Variants in DCDC2 observed in about 807,000 individuals in gnomAD.
DCDC2 encodes the protein doublecortin domain containing 2.
Under a neutral mutation model 50.2 loss-of-function variants are expected in DCDC2, and 40 were observed. That is an observed-to-expected ratio of 0.80 (90% confidence interval 0.62 to 1.04). DCDC2 has a LOEUF of 1.04. Among genes scored for constraint, DCDC2 ranks in the 50% least tolerant of loss-of-function variants. The pLI, the probability that DCDC2 is intolerant of heterozygous loss-of-function variation, is 0.00. For synonymous variants in DCDC2, 234 were observed against 210.6 expected, an observed-to-expected ratio of 1.11 and a Z score of -0.96; for missense variants, 570 against 581.9, an observed-to-expected ratio of 0.98 and a Z score of 0.21.
chr6:24,180,790 T>G (rs368180281), intron 8 of DCDC2, among the ~76,000 whole-genome samples: 2 of 152,116 alleles, frequency 1.3e-5, no homozygotes, highest in Non-Finnish European at 2.9e-5. Context: ...TGACCAAACT[T>G]TTTGTCATTA....
intron 7 of DCDC2, among the ~76,000 whole-genome samples, chr6:24,224,800 T>G (rs1041015247): frequency 2.6e-5 from 4 of 152,160 alleles, no homozygotes; most frequent in African/African-American, 9.7e-5. Context: ...CTATCATAGG[T>G]AGCACTTACC....
the DCDC2 span, among the ~76,000 whole-genome samples, chr6:24,373,205 G>A: frequency 6.6e-6 from 1 of 152,180 alleles, no homozygotes; most frequent in Non-Finnish European, 1.5e-5. Flanking sequence ...TTGAATATGT[G>A]TGCACCCTCA....
intron 8 of DCDC2, among the ~76,000 whole-genome samples, chr6:24,180,556 G>A (rs746972538): frequency 2.6e-5 from 4 of 152,068 alleles, no homozygotes; most frequent in Non-Finnish European, 5.9e-5. Context: ...CCAAAGTGCT[G>A]GGATTACAGG....
intron 7 of DCDC2, among the ~76,000 whole-genome samples, chr6:24,264,438 A>AAGG (rs1763074870): frequency 7.8e-6 from 1 of 128,184 alleles, no homozygotes; most frequent in African/African-American, 2.9e-5. Context: ...AAGACAGTAT[A>AAGG]ACAAATTATA....
intron 2 of DCDC2, among the ~76,000 whole-genome samples, chr6:24,324,922 A>AAG (rs1179970369): frequency 2.0e-5 from 3 of 151,274 alleles, no homozygotes; most frequent in South Asian, 4.2e-4. Context: ...AAAGAAAGAA[A>AAG]AGAGAGAGAG....
intron 8 of DCDC2, 59 bp from the exon 9 acceptor site, chr6:24,178,691 G>C: frequency 6.9e-7 from 1 of 1,448,282 alleles, no homozygotes; most frequent in South Asian, 1.3e-5. Flanking sequence ...CATTTCCACT[G>C]CACATCATAG....
intron 8 of DCDC2, among the ~76,000 whole-genome samples, chr6:24,191,389 A>G (rs541252439): frequency 6.6e-6 from 1 of 152,342 alleles, no homozygotes; most frequent in African/African-American, 2.4e-5. Flanking sequence ...TTCTGGTTAC[A>G]GCCTCTAAGC....
At chr6:24,303,113 A>G (rs1020990983) in intron 2 of DCDC2, among the ~76,000 whole-genome samples, 4 of 151,420 alleles carry the variant, frequency 2.6e-5, no homozygotes, top group African/African-American at 7.3e-5. Flanking sequence ...TAAGACCTCC[A>G]TCTCTACCTG....
At chr6:24,375,427 C>G in the DCDC2 span, among the ~76,000 whole-genome samples, 130 of 152,156 alleles carry the variant, frequency 8.5e-4, 2 homozygotes, top group South Asian at 0.022. Flanking sequence ...ACTCCCCCCC[C>G]CAACCCCGCT....
the DCDC2 span, among the ~76,000 whole-genome samples, chr6:24,368,704 C>T: frequency 6.7e-6 from 1 of 148,630 alleles, no homozygotes; most frequent in Admixed American, 6.7e-5. Flanking sequence ...AAAAAATTGA[C>T]GAATGATAGT....
chr6:24,357,523 C>T lies in DCDC2; in HGVS notation c.228G>A (p.Lys76=), dbSNP rs751678739. Residue 76 remains lysine, a synonymous_variant, in exon 1 of 10, where the codon AAG becomes AAA. Coordinates refer to ENST00000378454, the MANE Select transcript of DCDC2 (RefSeq NM_016356.5). ...YTPRTGHRIR[K]LDQIQSGGNY... is the part of the protein sequence containing the mutation. ...TGCCCCCGCTCTGGATCTGGTCTAG[C>T]TTCCGGATTCGGTGGCCAGTCCGCG... 1.2e-6 allele frequency: 2 copies of T among 1,613,568 alleles called. No individual in the cohort carries two copies. Among genetic ancestry groups the T allele is most frequent in the Admixed American group, 1.7e-5 (1 of 60,026 alleles).
intron 2 of DCDC2, among the ~76,000 whole-genome samples, chr6:24,347,135 C>T (rs1204555409): frequency 6.6e-6 from 1 of 152,100 alleles, no homozygotes; most frequent in Non-Finnish European, 1.5e-5. Flanking sequence ...TATTACTCTT[C>T]AAAAATTAAT....
chr6:24,352,253 C>T (rs1581666709), intron 2 of DCDC2, among the ~76,000 whole-genome samples: 1 of 152,334 alleles, frequency 6.6e-6, no homozygotes, highest in East Asian at 1.9e-4. Context: ...ATCTCAAATT[C>T]TATTGCGGAA....
At chr6:24,303,025 A>G (rs940720145) in intron 2 of DCDC2, among the ~76,000 whole-genome samples, 10 of 151,962 alleles carry the variant, frequency 6.6e-5, no homozygotes, top group Non-Finnish European at 1.5e-4. Context: ...TGCCTGTCTC[A>G]GAAGGAACTA....
chr6:24,296,625 A>G (rs754327785), intron 4 of DCDC2, among the ~76,000 whole-genome samples: 2 of 152,180 alleles, frequency 1.3e-5, no homozygotes, highest in African/African-American at 2.4e-5. Context: ...ACAAGAAAAA[A>G]AACAACCCCA....
rs1763638351 is a variant in DCDC2, at chr6:24,287,490, C to T, written c.759+1362G>A. 2.0e-5 allele frequency among the ~76,000 whole-genome samples: 3 copies of T among 152,148 alleles called. No homozygotes were observed. The South Asian group carries it at 6.2e-4, about 32-fold the overall frequency. On this transcript the variant is annotated intron_variant, in intron 6 of 9. Coordinates refer to ENST00000378454, the MANE Select transcript of DCDC2 (RefSeq NM_016356.5). ...CTGTCACTTCTACTCTGTGTACTTC[C>T]TTTTTTCATTCCTTTTTAAATGTAG...
intron 7 of DCDC2, among the ~76,000 whole-genome samples, chr6:24,257,265 G>A (rs1020657870): frequency 6.6e-6 from 1 of 152,100 alleles, no homozygotes; most frequent in Non-Finnish European, 1.5e-5. Context: ...ATGGCAAAAA[G>A]TACACAATGT....
intron 2 of DCDC2, among the ~76,000 whole-genome samples, chr6:24,331,239 C>T (rs1226384936): frequency 1.3e-5 from 2 of 151,970 alleles, no homozygotes; most frequent in Non-Finnish European, 2.9e-5. Flanking sequence ...ATTGCTTATA[C>T]AGTGTTAATA....
intron 7 of DCDC2, among the ~76,000 whole-genome samples, chr6:24,275,159 T>G (rs1763324970): frequency 6.6e-6 from 1 of 152,184 alleles, no homozygotes; most frequent in Non-Finnish European, 1.5e-5. Flanking sequence ...AAGCACGTAC[T>G]TGGTTCTAAT....
Sources: allele counts gnomAD v4.1 joint callset (sites outside exome capture counted in the v4.1 genomes callset), GRCh38; gene constraint gnomAD v4.1.1; transcripts MANE v1.5; gene names NCBI Gene and HGNC (gene_info 2026-07-23, HGNC 2026-07-21).